EDIL3: variants seen among roughly 807,000 people sequenced by gnomAD.
EDIL3 encodes the protein EGF-like repeat and discoidin I-like domain-containing protein 3.
A neutral mutation model predicts 67.4 loss-of-function variants in EDIL3; 37 were observed. The observed-to-expected ratio is 0.55, with a 90% CI of 0.42 to 0.72. The LOEUF (loss-of-function observed/expected upper bound fraction) is 0.72, where lower values mean the gene tolerates loss of function less well. EDIL3 is among the 30% of genes least tolerant of loss of function. EDIL3 has a pLI of 0.00. For missense variants in EDIL3, 527 were observed against 586.3 expected, an observed-to-expected ratio of 0.90 and a Z score of 1.04; for synonymous variants, 195 against 196.3, an observed-to-expected ratio of 0.99 and a Z score of 0.05.
chr5:84,267,614 T>G (rs891181307), intron 1 of EDIL3, among the ~76,000 whole-genome samples: 1 of 152,164 alleles, frequency 6.6e-6, no homozygotes, highest in Admixed American at 6.5e-5. Context: ...GAATCATCAT[T>G]TGAGTTGAGA....
intron 1 of EDIL3, among the ~76,000 whole-genome samples, chr5:84,261,568 C>T (rs1236354209): frequency 3.9e-5 from 6 of 152,138 alleles, no homozygotes; most frequent in Admixed American, 3.9e-4. Flanking sequence ...TTGCAGACCA[C>T]CTTGCAATTT....
chr5:84,160,705 A>T (rs1702043805), intron 4 of EDIL3, among the ~76,000 whole-genome samples: 1 of 151,078 alleles, frequency 6.6e-6, no homozygotes, highest in Non-Finnish European at 1.5e-5. Flanking sequence ...CAGTCCTGAG[A>T]GGTGTCATTT....
chr5:84,183,971 TG>T (rs1264976334), intron 3 of EDIL3, among the ~76,000 whole-genome samples: 1 of 152,102 alleles, frequency 6.6e-6, no homozygotes, highest in African/African-American at 2.4e-5. Flanking sequence ...CCGGGTGTAG[TG>T]GCGCATGGCT....
chr5:84,019,327 T>C (rs999552283), intron 9 of EDIL3, among the ~76,000 whole-genome samples: 22 of 150,632 alleles, frequency 1.5e-4, no homozygotes, highest in Admixed American at 6.6e-5. Flanking sequence ...TTCTCACTCA[T>C]AGGTGGGAAT....
At chr5:83,947,347 A>T (rs1240706002) in intron 10 of EDIL3, among the ~76,000 whole-genome samples, 1 of 138,016 alleles carries the variant, frequency 7.2e-6, no homozygotes, top group Non-Finnish European at 1.6e-5. Flanking sequence ...CTAGGGCAGC[A>T]TGTATGTGTC....
intron 6 of EDIL3, among the ~76,000 whole-genome samples, chr5:84,070,616 T>A (rs912131194): frequency 6.3e-4 from 90 of 142,490 alleles, no homozygotes; most frequent in Non-Finnish European, 9.6e-4. Flanking sequence ...AGTGTGTGTG[T>A]GTGTGTGTGT....
intron 4 of EDIL3, among the ~76,000 whole-genome samples, chr5:84,137,738 T>A (rs1377563218): frequency 6.6e-6 from 1 of 152,184 alleles, no homozygotes; most frequent in Admixed American, 6.5e-5. Flanking sequence ...CAGCAACAAC[T>A]GCCAATTAAC....
intron 10 of EDIL3, among the ~76,000 whole-genome samples, chr5:83,955,539 A>C (rs1162197941): frequency 6.6e-6 from 1 of 151,716 alleles, no homozygotes; most frequent in African/African-American, 2.4e-5. Flanking sequence ...AAAAACAATA[A>C]GCATGTATTT....
At chr5:84,271,616 C>A (rs1296636025) in intron 1 of EDIL3, among the ~76,000 whole-genome samples, 1 of 151,938 alleles carries the variant, frequency 6.6e-6, no homozygotes, top group Non-Finnish European at 1.5e-5. Context: ...ATTTACTTAC[C>A]TCTGGAAAAG....
rs1450084264 is a variant in EDIL3, at chr5:83,940,886, A to G, written c.*2533T>C. 6.6e-6 allele frequency: 1 copy of G among 152,030 alleles called. No homozygotes were observed. The allele number at this position is 152,030 out of a possible 1,614,324, so 9.4% of individuals were successfully genotyped here. A position where few individuals can be genotyped will look rare whatever the true frequency, so the allele number is the denominator to read the frequency against. ...GAAGTCATTCAGAAAGAGAAAGTCA[A>G]TCCTAAAATTAAAATTGGCAACTAT... On this transcript the variant is annotated 3_prime_UTR_variant, in exon 11 of 11. Transcript: ENST00000296591.
At chr5:84,124,589 T>G (rs2301101) in intron 5 of EDIL3, among the ~76,000 whole-genome samples, 15,746 of 151,854 alleles carry the variant, frequency 0.1, 910 homozygotes, top group Middle Eastern at 0.15. Context: ...ATTAGAAAAA[T>G]TACTTTATTC....
At chr5:84,047,512 A>G (rs1416432421) in intron 9 of EDIL3, 1 of 152,106 alleles carries the variant, frequency 6.6e-6, no homozygotes, top group African/African-American at 2.4e-5. Flanking sequence ...CTATATCTGT[A>G]TCAATAATTG....
chr5:84,097,612 T>A (rs1470371867), intron 6 of EDIL3, among the ~76,000 whole-genome samples: 1 of 152,156 alleles, frequency 6.6e-6, no homozygotes, highest in Non-Finnish European at 1.5e-5. Context: ...GGTGTTATCT[T>A]TTCTCTACTG....
Position 84,298,476 on chromosome 5 carries a change from G to A in EDIL3, c.68-44264C>T, listed in dbSNP as rs574853559. Among the ~76,000 whole-genome samples, 77 of 152,260 alleles carry A rather than the reference G, an allele frequency of 5.1e-4. No individual in the cohort carries two copies. The South Asian group carries it at 7.1e-3, about 14-fold the overall frequency. On this transcript the variant is annotated intron_variant, in intron 1 of 10. Transcript: ENST00000296591. ...GAACAACACACACTGGGGCCTGTCAGAGGCTTGGCAGAGAGCATCAGGAAA... is the reference window on the plus strand; with the variant it reads ...GAACAACACACACTGGGGCCTGTCAAAGGCTTGGCAGAGAGCATCAGGAAA...
At chr5:84,024,065 G>A (rs1745769312) in intron 9 of EDIL3, among the ~76,000 whole-genome samples, 6 of 152,098 alleles carry the variant, frequency 3.9e-5, no homozygotes, top group Admixed American at 2.6e-4. Flanking sequence ...GATTATTTCA[G>A]CACAGATTAG....
chr5:84,259,117 G>A (rs1037282046), intron 1 of EDIL3, among the ~76,000 whole-genome samples: 1 of 151,710 alleles, frequency 6.6e-6, no homozygotes, highest in Non-Finnish European at 1.5e-5. Flanking sequence ...CCGCCACCAT[G>A]CCCAGCTAAT....
At chr5:84,330,295 C>T (rs886932077) in intron 1 of EDIL3, among the ~76,000 whole-genome samples, 1 of 152,016 alleles carries the variant, frequency 6.6e-6, no homozygotes, top group Non-Finnish European at 1.5e-5. Flanking sequence ...CAGAAATGTG[C>T]AAGAGTACAT....
At chr5:83,965,570 C>T (rs991421246) in intron 9 of EDIL3, among the ~76,000 whole-genome samples, 1 of 152,080 alleles carries the variant, frequency 6.6e-6, no homozygotes, top group Admixed American at 6.6e-5. Context: ...TGAATTTCCT[C>T]AGGTCCTAAA....
rs150679478 is a variant in EDIL3, at chr5:84,175,898, G to C, written c.355+4495C>G. ...CTGAAGTGGGGCCAGTAATCTACAT[G>C]TTTAACAAGTGTAACATAGAAGACA... On this transcript the variant is annotated intron_variant, in intron 4 of 10. Transcript: ENST00000296591. Among the ~76,000 whole-genome samples the C allele has an allele frequency of 6.8e-3, 1,027 of 152,098 alleles. 9 individuals carry two copies. The highest frequency in any genetic ancestry group is 0.024 in the African/African-American group (983 of 41,476).
Sources: allele counts gnomAD v4.1 joint callset (sites outside exome capture counted in the v4.1 genomes callset), GRCh38; gene constraint gnomAD v4.1.1; transcripts MANE v1.5; gene names NCBI Gene and HGNC (gene_info 2026-07-23, HGNC 2026-07-21).